IL1RAPL1: variants seen among roughly 807,000 people sequenced by gnomAD.
IL1RAPL1 encodes the protein interleukin-1 receptor accessory protein-like 1.
IL1RAPL1 carries 3 observed loss-of-function variants against 48.4 expected under a neutral mutation model. The observed-to-expected ratio is 0.06, with a 90% CI of 0.03 to 0.16. The LOEUF (loss-of-function observed/expected upper bound fraction) is 0.16. IL1RAPL1 is among the 10% of genes least tolerant of loss of function. The pLI, the probability that IL1RAPL1 is intolerant of heterozygous loss-of-function variation, is 1.00. For synonymous variants in IL1RAPL1, 185 were observed against 187.7 expected (o/e 0.99, Z 0.12); for missense variants, 349 against 530.6 (o/e 0.66, Z 3.36).
At chrX:29,360,775 C>T (rs1569294615) in intron 3 of IL1RAPL1, among the ~76,000 whole-genome samples, 1 of 111,776 alleles carries the variant, frequency 8.9e-6, no homozygotes, top group Non-Finnish European at 1.9e-5. Context: ...ATAACTAGCA[C>T]ATAGCAGTTG....
intron 2 of IL1RAPL1, among the ~76,000 whole-genome samples, chrX:28,929,857 C>T (rs1312299353): frequency 2.7e-5 from 3 of 112,090 alleles, no homozygotes; most frequent in Non-Finnish European, 5.6e-5. Flanking sequence ...AATAGTTTTT[C>T]CTGTGTGTTA....
intron 6 of IL1RAPL1, among the ~76,000 whole-genome samples, chrX:29,786,307 A>G (rs145252009): frequency 0.011 from 1,196 of 111,296 alleles, 11 homozygotes; most frequent in African/African-American, 0.037. Flanking sequence ...AGGAAATAAG[A>G]GCACCCAGAC....
rs781229406 is a variant in IL1RAPL1 at position 29,129,168 on chromosome X, C to T, written c.83-153770C>T. ...AAGAAATTCTCCTGCCTCAGCCTGCCAAGTAGCTGGGATTACAGGCATGTG... is the reference window on the plus strand; with the variant it reads ...AAGAAATTCTCCTGCCTCAGCCTGCTAAGTAGCTGGGATTACAGGCATGTG... On this transcript the variant is annotated intron_variant, in intron 2 of 10. Transcript: ENST00000378993. Among the ~76,000 whole-genome samples, 8 of 108,717 alleles carry T rather than the reference C, an allele frequency of 7.4e-5. No homozygotes were observed. In the South Asian group the frequency reaches 3.3e-3, roughly 45 times the overall value. The allele number at this position is 108,717 out of a possible 115,157, so 94.4% of individuals were successfully genotyped here.
intron 8 of IL1RAPL1, among the ~76,000 whole-genome samples, chrX:29,921,465 A>C (rs1215907949): frequency 1.8e-5 from 2 of 112,057 alleles, no homozygotes; most frequent in African/African-American, 6.5e-5. Flanking sequence ...ATGGTACTAA[A>C]ATAGTCTACC....
intron 2 of IL1RAPL1, among the ~76,000 whole-genome samples, chrX:28,993,438 AACAAG>A (rs1237761176): frequency 8.1e-5 from 9 of 111,792 alleles, no homozygotes; most frequent in African/African-American, 2.6e-4. Context: ...ATGAGCTGTG[AACAAG>A]TCGATCCAAG....
chrX:29,669,673 C>T (rs2147100517), intron 6 of IL1RAPL1, among the ~76,000 whole-genome samples: 1 of 111,476 alleles, frequency 9.0e-6, no homozygotes, highest in Non-Finnish European at 1.9e-5. Flanking sequence ...AGGATTTATA[C>T]AAGTCAGGGT....
At chrX:28,655,535 A>G (rs1934739997) in intron 1 of IL1RAPL1, among the ~76,000 whole-genome samples, 1 of 111,678 alleles carries the variant, frequency 9.0e-6, no homozygotes, top group Non-Finnish European at 1.9e-5. Context: ...GCAAATAAAC[A>G]TGTCCTAATC....
At chrX:29,691,024 A>G (rs997763538) in intron 6 of IL1RAPL1, among the ~76,000 whole-genome samples, 2 of 86,385 alleles carry the variant, frequency 2.3e-5, no homozygotes, top group African/African-American at 4.0e-5. Flanking sequence ...AATTGATTCA[A>G]TATTTTTTTT....
At chrX:28,945,936 A>G (rs1359421385) in intron 2 of IL1RAPL1, among the ~76,000 whole-genome samples, 1 of 105,903 alleles carries the variant, frequency 9.4e-6, no homozygotes, top group Non-Finnish European at 1.9e-5. Flanking sequence ...TATACACTCA[A>G]TTAACTATTT....
chrX:29,293,281 A>AT (rs766351004), intron 3 of IL1RAPL1, among the ~76,000 whole-genome samples: 1,829 of 96,621 alleles, frequency 0.019, 13 homozygotes, highest in Middle Eastern at 0.053. Flanking sequence ...AAAACAGCCT[A>AT]TTTTTTTTTT....
chrX:29,641,475 C>T (rs1602341768), intron 5 of IL1RAPL1, among the ~76,000 whole-genome samples: 1 of 112,502 alleles, frequency 8.9e-6, no homozygotes, highest in Non-Finnish European at 1.9e-5. Flanking sequence ...ATTTAAAGCC[C>T]ATGCCCACTC....
intron 2 of IL1RAPL1, among the ~76,000 whole-genome samples, chrX:29,234,849 A>G (rs1013804219): frequency 1.3e-4 from 15 of 112,481 alleles, no homozygotes; most frequent in African/African-American, 2.9e-4. Flanking sequence ...AAATAAGACA[A>G]TGCATTTAAC....
rs148049084 is a variant in IL1RAPL1, at chrX:29,816,394, A to C, written c.779-101070A>C. 1.3e-3 allele frequency among the ~76,000 whole-genome samples: 140 copies of C among 111,190 alleles called. 2 individuals are homozygous for C. The East Asian group carries it at 0.035, about 28-fold the overall frequency. ...CCAGGAAGAAATGAAAACCCTAAACAGAGTAATATTGAGTTCTGAATTGAA... is the reference window on the plus strand; with the variant it reads ...CCAGGAAGAAATGAAAACCCTAAACCGAGTAATATTGAGTTCTGAATTGAA... On this transcript the variant is annotated intron_variant, in intron 6 of 10. Transcript: ENST00000378993.
chrX:29,405,103 G>T (rs960352847), intron 5 of IL1RAPL1, among the ~76,000 whole-genome samples: 1 of 109,735 alleles, frequency 9.1e-6, no homozygotes, highest in African/African-American at 3.3e-5. Flanking sequence ...TAGTAGAGAC[G>T]GGGTTTCACC....
At chrX:28,667,980 A>C (rs1342209515) in intron 1 of IL1RAPL1, among the ~76,000 whole-genome samples, 1 of 111,757 alleles carries the variant, frequency 8.9e-6, no homozygotes, top group African/African-American at 3.3e-5. Context: ...GAGGGACACA[A>C]ACATTCAGTC....
intron 6 of IL1RAPL1, among the ~76,000 whole-genome samples, chrX:29,757,866 C>T (rs1026783981): frequency 9.0e-6 from 1 of 111,140 alleles, no homozygotes; most frequent in Non-Finnish European, 1.9e-5. Flanking sequence ...TGAAACTTTC[C>T]AATTTTAATT....
chrX:29,567,940 G>C (rs1183895621), intron 5 of IL1RAPL1, among the ~76,000 whole-genome samples: 2 of 110,570 alleles, frequency 1.8e-5, no homozygotes, highest in Non-Finnish European at 3.8e-5. Flanking sequence ...GCTGGATTGA[G>C]AGACAACATT....
At chrX:29,196,754 C>T (rs1421426935) in intron 2 of IL1RAPL1, among the ~76,000 whole-genome samples, 1 of 110,283 alleles carries the variant, frequency 9.1e-6, no homozygotes, top group Non-Finnish European at 1.9e-5. Flanking sequence ...TAGGTCTGGC[C>T]AGTTTTTTCT....
intron 6 of IL1RAPL1, among the ~76,000 whole-genome samples, chrX:29,852,133 G>C (rs1931381955): frequency 8.9e-6 from 1 of 112,786 alleles, no homozygotes; most frequent in African/African-American, 3.2e-5. Context: ...CTGTGCAGAA[G>C]TGGTGAATGT....
Sources: allele counts gnomAD v4.1 joint callset (sites outside exome capture counted in the v4.1 genomes callset), GRCh38; gene constraint gnomAD v4.1.1; transcripts MANE v1.5; gene names NCBI Gene and HGNC (gene_info 2026-07-23, HGNC 2026-07-21).